LINGO2: variants seen among roughly 807,000 people sequenced by gnomAD.
The protein encoded by LINGO2 is leucine-rich repeat and immunoglobulin-like domain-containing nogo receptor-interacting protein 2.
LINGO2 carries 14 observed loss-of-function variants against 30.6 expected under a neutral mutation model. The ratio of observed to expected loss-of-function variants is 0.46; its 90% CI spans 0.30 to 0.72. The LOEUF is 0.72. Among genes scored for constraint, LINGO2 ranks in the 30% least tolerant of loss-of-function variants. The pLI, the probability that LINGO2 is intolerant of heterozygous loss-of-function variation, is 0.07. For missense variants in LINGO2, 729 were observed against 751.7 expected (o/e 0.97, Z 0.35); for synonymous variants, 317 against 288.5 (o/e 1.10, Z -1.00).
intron 2 of LINGO2, among the ~76,000 whole-genome samples, chr9:28,467,039 G>T (rs111727918): frequency 3.3e-5 from 5 of 150,150 alleles, no homozygotes; most frequent in South Asian, 2.1e-4. Context: ...TTTTTTTGGG[G>T]GGGGGGGACG....
At chr9:29,180,658 CATACCTT>C in the LINGO2 span, among the ~76,000 whole-genome samples, 1 of 152,182 alleles carries the variant, frequency 6.6e-6, no homozygotes, top group Non-Finnish European at 1.5e-5. Context: ...TTCCCCTACA[CATACCTT>C]CCCCCATGAA....
chr9:28,867,387 A>C, the LINGO2 span, among the ~76,000 whole-genome samples: 1 of 152,070 alleles, frequency 6.6e-6, no homozygotes, highest in Admixed American at 6.6e-5. Context: ...AAACAATGCA[A>C]GTCAGGGTAT....
At chr9:28,024,166 A>C (rs900306964) in intron 4 of LINGO2, among the ~76,000 whole-genome samples, 15 of 152,328 alleles carry the variant, frequency 9.8e-5, no homozygotes, top group African/African-American at 3.4e-4. Flanking sequence ...CTTTCTGAGA[A>C]ATAACCATGC....
chr9:28,598,425 A>AC (rs746770591), intron 1 of LINGO2, among the ~76,000 whole-genome samples: 5,344 of 141,238 alleles, frequency 0.038, 314 homozygotes, highest in Admixed American at 0.17. Flanking sequence ...TATCAAAAAA[A>AC]AAAAAAAAAC....
intron 3 of LINGO2, among the ~76,000 whole-genome samples, chr9:28,307,581 G>A (rs1276135126): frequency 2.0e-5 from 3 of 152,110 alleles, no homozygotes; most frequent in Non-Finnish European, 2.9e-5. Context: ...TCTCGCCAGG[G>A]CAATTAGGCA....
chr9:29,211,583 C>CTTCTCT, the LINGO2 span, among the ~76,000 whole-genome samples: 31,985 of 147,698 alleles, frequency 0.22, 3,584 homozygotes, highest in East Asian at 0.42. Flanking sequence ...CTTCTCTTCT[C>CTTCTCT]TCTCTCTCTC....
intron 4 of LINGO2, among the ~76,000 whole-genome samples, chr9:28,081,365 T>G (rs1825768742): frequency 6.6e-6 from 1 of 151,992 alleles, no homozygotes; most frequent in Non-Finnish European, 1.5e-5. Flanking sequence ...TGTAATAAAT[T>G]ACCTCTTATG....
At chr9:28,387,471 A>C (rs1001720619) in intron 2 of LINGO2, among the ~76,000 whole-genome samples, 3 of 152,208 alleles carry the variant, frequency 2.0e-5, no homozygotes, top group African/African-American at 7.2e-5. Flanking sequence ...TGGAGCCAGC[A>C]GCAGCAACCT....
chr9:29,019,137 C>T, the LINGO2 span, among the ~76,000 whole-genome samples: 2 of 152,092 alleles, frequency 1.3e-5, no homozygotes, highest in African/African-American at 4.8e-5. Context: ...TGATACTCTG[C>T]TCCATTTTGG....
At chr9:29,203,207 G>C in the LINGO2 span, among the ~76,000 whole-genome samples, 50 of 152,024 alleles carry the variant, frequency 3.3e-4, no homozygotes, top group Non-Finnish European at 6.3e-4. Flanking sequence ...AGGGGTAATG[G>C]ACTACCATCA....
At chr9:28,484,032 C>A (rs1297824318) in intron 1 of LINGO2, among the ~76,000 whole-genome samples, 1 of 152,024 alleles carries the variant, frequency 6.6e-6, no homozygotes, top group African/African-American at 2.4e-5. Context: ...TATCTACAGC[C>A]TGGGCATTTA....
chr9:28,797,357 T>TAGAGAGAGAGAG, the LINGO2 span, among the ~76,000 whole-genome samples: 423 of 55,090 alleles, frequency 7.7e-3, no homozygotes, highest in African/African-American at 8.5e-3. Flanking sequence ...TATATATATA[T>TAGAGAGAGAGAG]ATAGAGAGAG....
chr9:28,929,361 A>C, the LINGO2 span, among the ~76,000 whole-genome samples: 1 of 152,222 alleles, frequency 6.6e-6, no homozygotes, highest in Middle Eastern at 3.2e-3. Flanking sequence ...AGAGTATTAG[A>C]AAAAGCACAC....
chr9:28,863,852 A>G, the LINGO2 span: 12 of 238,356 alleles, frequency 5.0e-5, no homozygotes, highest in African/African-American at 2.5e-4. Flanking sequence ...GAAACACACA[A>G]GAAACACTGA....
the LINGO2 span, among the ~76,000 whole-genome samples, chr9:28,991,132 A>G: frequency 6.6e-6 from 1 of 152,186 alleles, no homozygotes; most frequent in African/African-American, 2.4e-5. Context: ...ATTTAGACGA[A>G]TGTATAACTA....
exon 6 of LINGO2, chr9:27,949,837 T>C (rs1328722560): frequency 6.2e-7 from 1 of 1,613,818 alleles, no homozygotes; most frequent in African/African-American, 1.3e-5. Flanking sequence ...TAGGAGAGGT[T>C]AAGGTGAGTC....
chr9:28,011,901 G>T (rs1002233607), intron 5 of LINGO2, among the ~76,000 whole-genome samples: 1 of 152,116 alleles, frequency 6.6e-6, no homozygotes, highest in Non-Finnish European at 1.5e-5. Context: ...CAACTGCCCT[G>T]CATGTCAAAG....
the LINGO2 span, among the ~76,000 whole-genome samples, chr9:29,024,120 T>A: frequency 6.6e-6 from 1 of 152,048 alleles, no homozygotes; most frequent in Admixed American, 6.6e-5. Flanking sequence ...ATAAAACCCT[T>A]TAAACCGCCC....
chr9:28,672,178 G>A (rs551371646), upstream of LINGO2, among the ~76,000 whole-genome samples: 1 of 152,098 alleles, frequency 6.6e-6, no homozygotes, highest in East Asian at 1.9e-4. Flanking sequence ...AGCAAGAAAG[G>A]GAGCATTCAT....
Sources: allele counts gnomAD v4.1 joint callset (sites outside exome capture counted in the v4.1 genomes callset), GRCh38; gene constraint gnomAD v4.1.1; transcripts MANE v1.5; gene names NCBI Gene and HGNC (gene_info 2026-07-23, HGNC 2026-07-21).